OSBPL9: variants seen among roughly 807,000 people sequenced by gnomAD.
OSBPL9 encodes the protein oxysterol binding protein like 9, also known as oxysterol-binding protein-related protein 9.
A neutral mutation model predicts 106.6 loss-of-function variants in OSBPL9; 40 were observed. The ratio of observed to expected loss-of-function variants is 0.38; its 90% CI spans 0.29 to 0.49. The LOEUF is 0.49. Ranked by LOEUF, OSBPL9 falls within the 20% of genes least tolerant of loss-of-function variation. The pLI, the probability that OSBPL9 is intolerant of heterozygous loss-of-function variation, is 0.97. For missense variants in OSBPL9, 609 were observed against 887.2 expected (o/e 0.69, Z 3.98); for synonymous variants, 269 against 295.4 (o/e 0.91, Z 0.92).
chr1:51,573,658 A>G (rs946009299), upstream of OSBPL9, among the ~76,000 whole-genome samples: 6 of 151,794 alleles, frequency 4.0e-5, no homozygotes, highest in African/African-American at 1.2e-4. Context: ...TACTAAAAAT[A>G]TAAACATTAG....
intron 1 of OSBPL9, among the ~76,000 whole-genome samples, chr1:51,625,889 A>G (rs1356259392): frequency 6.6e-6 from 1 of 152,238 alleles, no homozygotes; most frequent in Non-Finnish European, 1.5e-5. Flanking sequence ...GGGATGATAT[A>G]AATGGAATTA....
the OSBPL9 span, among the ~76,000 whole-genome samples, chr1:51,533,883 G>A: frequency 3.3e-5 from 4 of 121,604 alleles, no homozygotes; most frequent in East Asian, 6.9e-4. Flanking sequence ...AGATAATACT[G>A]AGGTTAGGGG....
intron 3 of OSBPL9, among the ~76,000 whole-genome samples, chr1:51,675,218 G>A (rs1301917580): frequency 1.3e-5 from 2 of 152,188 alleles, no homozygotes; most frequent in African/African-American, 4.8e-5. Flanking sequence ...GAGTATGGCT[G>A]TGTAAAGACT....
At chr1:51,731,775 CAAAA>C (rs905927971) in intron 4 of OSBPL9, among the ~76,000 whole-genome samples, 5 of 67,140 alleles carry the variant, frequency 7.4e-5, no homozygotes, top group African/African-American at 1.9e-4. Flanking sequence ...GAGTCTGTCT[CAAAA>C]AAAAAAAAAA....
At chr1:51,536,105 T>C in the OSBPL9 span, among the ~76,000 whole-genome samples, 4 of 152,142 alleles carry the variant, frequency 2.6e-5, no homozygotes, top group Non-Finnish European at 1.5e-5. Context: ...CTTATATACC[T>C]ACATACCCAC....
the OSBPL9 span, among the ~76,000 whole-genome samples, chr1:51,519,017 C>G: frequency 5.3e-5 from 8 of 151,196 alleles, no homozygotes; most frequent in Non-Finnish European, 4.4e-5. Context: ...CGCAGGGGGG[C>G]TCCGGCTCCG....
At chr1:51,665,372 G>A (rs900008140) in intron 2 of OSBPL9, among the ~76,000 whole-genome samples, 5 of 152,136 alleles carry the variant, frequency 3.3e-5, no homozygotes, top group Admixed American at 6.5e-5. Context: ...TTGAACTCCC[G>A]ACCTCAGGTG....
At chr1:51,533,845 C>CTTTTTTTT in the OSBPL9 span, among the ~76,000 whole-genome samples, 2 of 116,332 alleles carry the variant, frequency 1.7e-5, no homozygotes, top group African/African-American at 3.2e-5. Flanking sequence ...TTTTTTCTTT[C>CTTTTTTTT]TTTTTTTTTT....
chr1:51,713,846 G>A (rs1399999728), intron 3 of OSBPL9, among the ~76,000 whole-genome samples, 157 bp from the exon 4 acceptor site: 1 of 152,096 alleles, frequency 6.6e-6, no homozygotes, highest in African/African-American at 2.4e-5. Flanking sequence ...TTGCATATCT[G>A]TAAAAAATAT....
At position 51,772,232 on chromosome 1, in the gene OSBPL9, G is replaced by A. The variant is rs369476446; in HGVS notation, c.1051+50G>A. 4.8e-6 allele frequency: 7 copies of A among 1,456,782 alleles called. No homozygotes were observed. The African/African-American group carries it at 9.9e-5, about 21-fold the overall frequency. The allele number at this position is 1,456,782 out of a possible 1,614,324, so 90.2% of individuals were successfully genotyped here. A position where few individuals can be genotyped will look rare whatever the true frequency, so the allele number is the denominator to read the frequency against. Reference sequence around the variant, plus strand: ...TTTTTTTTCTTTAAAAATATTTGTGGCCAGATGTGGTGGCTCATGCCGTAA... The same window carrying A: ...TTTTTTTTCTTTAAAAATATTTGTGACCAGATGTGGTGGCTCATGCCGTAA... On this transcript the variant is annotated intron_variant, in intron 13 of 23. Transcript: ENST00000428468.
chr1:51,768,766 T>C (rs931014594), intron 12 of OSBPL9, among the ~76,000 whole-genome samples: 8 of 152,230 alleles, frequency 5.3e-5, no homozygotes, highest in Non-Finnish European at 1.2e-4. Context: ...TACAAAGTCA[T>C]GCACAGGCTC....
intron 1 of OSBPL9, among the ~76,000 whole-genome samples, chr1:51,631,195 A>G (rs1645082401): frequency 6.6e-6 from 1 of 152,144 alleles, no homozygotes; most frequent in South Asian, 2.1e-4. Flanking sequence ...TGGCATGTCC[A>G]TGTGGGAGCC....
At chr1:51,711,202 G>A (rs531036647) in intron 3 of OSBPL9, among the ~76,000 whole-genome samples, 3 of 150,994 alleles carry the variant, frequency 2.0e-5, no homozygotes, top group South Asian at 2.1e-4. Flanking sequence ...ATCCTGGCCC[G>A]TTCTCAATGA....
chr1:51,533,469 G>A, the OSBPL9 span, among the ~76,000 whole-genome samples: 2 of 138,102 alleles, frequency 1.4e-5, no homozygotes, highest in Non-Finnish European at 1.5e-5. Flanking sequence ...CTGGGCAACA[G>A]AGCAAGACTC....
At chr1:51,575,218 T>C (rs574991708), upstream of OSBPL9, among the ~76,000 whole-genome samples, 119 of 152,280 alleles carry the variant, frequency 7.8e-4, 1 homozygote, top group Non-Finnish European at 1.3e-3. Context: ...TTCATTTTTT[T>C]GAGACGGAGT....
intron 1 of OSBPL9, among the ~76,000 whole-genome samples, chr1:51,632,150 CAATA>C (rs1483186967): frequency 2.6e-5 from 4 of 151,908 alleles, no homozygotes; most frequent in African/African-American, 9.7e-5. Flanking sequence ...TCTAAAATAA[CAATA>C]AAATACAGTA....
intron 1 of OSBPL9, among the ~76,000 whole-genome samples, chr1:51,647,281 G>A (rs1301566282): frequency 2.0e-5 from 3 of 152,024 alleles, no homozygotes; most frequent in Admixed American, 1.3e-4. Flanking sequence ...ATCCCACTTG[G>A]TCATAGTATA....
In OSBPL9 at chr1:51,765,853, C is replaced by T. The variant is rs1385349345; in HGVS notation, c.810C>T (p.Leu270=). The change falls in exon 12 of 24, where the codon CTC becomes CTT. Residue 270 remains leucine (L), a synonymous_variant. Coordinates refer to ENST00000428468, the MANE Select transcript of OSBPL9 (RefSeq NM_024586.6). ...GCCATTCACCACCGAGTAGCAGTCT[C>T]ACTTCTCCAAGCCACGTGAACTTGT... ...GSGHSPPSSS[L]TSPSHVNLSP... 5.0e-6 allele frequency: 8 copies of T among 1,613,936 alleles called. No individual in the cohort carries two copies. The South Asian group carries it at 6.6e-5, about 13-fold the overall frequency.
chr1:51,617,031 C>G, upstream of OSBPL9: 1 of 1,454,776 alleles, frequency 6.9e-7, no homozygotes, highest in Admixed American at 2.1e-5. Context: ...GCCCCGCCCC[C>G]TGCGGCCCCG....
Sources: allele counts gnomAD v4.1 joint callset (sites outside exome capture counted in the v4.1 genomes callset), GRCh38; gene constraint gnomAD v4.1.1; transcripts MANE v1.5; gene names NCBI Gene and HGNC (gene_info 2026-07-23, HGNC 2026-07-21).